The following ENTPD5 variants were observed in gnomAD, a reference collection of about 807,000 sequenced individuals.
The protein encoded by ENTPD5 is nucleoside diphosphate phosphatase ENTPD5.
In ENTPD5, 49 loss-of-function variants were observed where a neutral mutation model predicts 60.2. That is an observed-to-expected ratio of 0.81 (90% CI 0.65 to 1.03). ENTPD5 has a LOEUF of 1.03. Ranked by LOEUF, ENTPD5 falls within the 50% of genes least tolerant of loss-of-function variation. The pLI, the probability that ENTPD5 is intolerant of heterozygous loss-of-function variation, is 0.00. For missense variants in ENTPD5, 480 were observed against 507.6 expected, an observed-to-expected ratio of 0.95 and a Z score of 0.52; for synonymous variants, 187 against 185.4, an observed-to-expected ratio of 1.01 and a Z score of -0.07.
intron 8 of ENTPD5, 21 bp downstream of exon 8, chr14:73,977,003 A>G: frequency 6.3e-7 from 1 of 1,599,224 alleles, no homozygotes; most frequent in Non-Finnish European, 8.6e-7. Context: ...AGCTCTAAAG[A>G]TAAACTTGAG....
In ENTPD5 at chr14:73,977,281, T is replaced by C. The variant is rs1340506321; in HGVS notation, c.517+18A>G. 1.3e-6 allele frequency: 2 copies of C among 1,598,452 alleles called. No individual in the cohort carries two copies. Among genetic ancestry groups the C allele is most frequent in the African/African-American group, 2.7e-5 (2 of 74,278 alleles). Reference sequence around the variant, plus strand: ...CCTGCCCCTCTCCCCCTGGAACGCATATCAACACCTCTCCCACCTTCGTCG... The same window carrying C: ...CCTGCCCCTCTCCCCCTGGAACGCACATCAACACCTCTCCCACCTTCGTCG... On this transcript the variant is annotated intron_variant, in intron 7 of 15. Coordinates refer to ENST00000334696, the MANE Select transcript of ENTPD5 (RefSeq NM_001249.5).
chr14:73,991,024 G>C (rs1408672665), intron 3 of ENTPD5, among the ~76,000 whole-genome samples: 1 of 152,068 alleles, frequency 6.6e-6, no homozygotes, highest in Admixed American at 6.6e-5. Context: ...GTGAGACTGT[G>C]TCTCAAAACA....
At chr14:74,002,455 T>C (rs1218819748) in intron 3 of ENTPD5, among the ~76,000 whole-genome samples, 1 of 151,710 alleles carries the variant, frequency 6.6e-6, no homozygotes, top group Non-Finnish European at 1.5e-5. Context: ...TATGTAGAGA[T>C]GGAGTCTCAC....
chr14:74,000,454 C>T (rs1213573752), intron 3 of ENTPD5, among the ~76,000 whole-genome samples: 5 of 147,858 alleles, frequency 3.4e-5, no homozygotes, highest in Non-Finnish European at 6.0e-5. Flanking sequence ...GACTGAACCC[C>T]GTCTCAATTT....
At position 73,968,272 on chromosome 14, in the gene ENTPD5, C is replaced by T. The variant is rs555338542; in HGVS notation, c.1201-1258G>A. On this transcript the variant is annotated intron_variant, in intron 15 of 15. Coordinates refer to ENST00000334696, the MANE Select transcript of ENTPD5 (RefSeq NM_001249.5). ...AGAAGAGGATTAGATTAGTGTTTATCGGTTTATCAATTTGTTTTCTTCAGA... is the reference window on the plus strand; with the variant it reads ...AGAAGAGGATTAGATTAGTGTTTATTGGTTTATCAATTTGTTTTCTTCAGA... Among the ~76,000 whole-genome samples the T allele has an allele frequency of 1.1e-4, 17 of 152,256 alleles. No individual in the cohort carries two copies. The East Asian group carries it at 1.9e-3, about 17-fold the overall frequency.
intron 14 of ENTPD5, 69 bp from the exon 15 acceptor site, chr14:73,970,194 AAAGAAGTGG>A: frequency 8.5e-7 from 1 of 1,180,896 alleles, no homozygotes; most frequent in Non-Finnish European, 1.3e-6. Flanking sequence ...TTTCTCTTAG[AAAGAAGTGG>A]AATAGGGGCC....
intron 3 of ENTPD5, among the ~76,000 whole-genome samples, chr14:73,994,373 C>T (rs894337682): frequency 3.3e-5 from 5 of 151,852 alleles, no homozygotes; most frequent in African/African-American, 7.3e-5. Flanking sequence ...GTGATCCACT[C>T]GCCTCAGCCT....
rs562290414 is a variant in ENTPD5, at chr14:73,972,936, G to A, written c.975C>T (p.Ser325=). 3.9e-4 allele frequency: 622 copies of A among 1,614,208 alleles called. 13 individuals are homozygous for A. In the South Asian group the frequency reaches 6.6e-3, roughly 17 times the overall value. ...CATAATAGTAAGAGAAAGCATAGAA[G>A]GAACCTCTCTGGACCTCCTCTGGCT... ...LHQPEEVQRG[S]FYAFSYYYDR... The change falls in exon 13 of 16, where the codon TCC becomes TCT. Residue 325 remains serine, a synonymous_variant. Coordinates refer to ENST00000334696, the MANE Select transcript of ENTPD5 (RefSeq NM_001249.5).
At chr14:73,960,998 G>A, downstream of ENTPD5, 1 of 761,248 alleles carries the variant, frequency 1.3e-6, no homozygotes, top group African/African-American at 1.7e-5. Flanking sequence ...AAAACCTCTG[G>A]GGAGTGATGA....
downstream of ENTPD5, chr14:73,959,643 CTG>C (rs1295303731): frequency 3.2e-6 from 5 of 1,539,886 alleles, no homozygotes; most frequent in Admixed American, 1.9e-5. Context: ...TCTTGGCTCA[CTG>C]TGCAATCTCC....
intron 13 of ENTPD5, among the ~76,000 whole-genome samples, chr14:73,972,229 C>T (rs905355373): frequency 1.3e-5 from 2 of 151,980 alleles, no homozygotes; most frequent in Non-Finnish European, 2.9e-5. Context: ...AAAAAATTAG[C>T]CGGGTGTGGT....
At chr14:73,989,875 C>A (rs1335697887) in intron 3 of ENTPD5, among the ~76,000 whole-genome samples, 1 of 145,524 alleles carries the variant, frequency 6.9e-6, no homozygotes, top group African/African-American at 2.6e-5. Flanking sequence ...GGCTTGGTGG[C>A]AGGTGCCTGT....
chr14:73,999,032 C>T (rs1017861638), intron 3 of ENTPD5, among the ~76,000 whole-genome samples: 10 of 152,074 alleles, frequency 6.6e-5, no homozygotes, highest in Non-Finnish European at 1.3e-4. Context: ...TTGTCAGGAC[C>T]ACTCAATTGC....
chr14:73,969,961 A>G (rs550141643), intron 15 of ENTPD5, 49 bp downstream of exon 15: 3 of 1,298,000 alleles, frequency 2.3e-6, no homozygotes, highest in Non-Finnish European at 3.4e-6. Context: ...CTCCTTCTCA[A>G]CCCCCACAAA....
downstream of ENTPD5, chr14:73,959,621 G>A (rs1012981621): frequency 3.0e-5 from 47 of 1,580,758 alleles, no homozygotes; most frequent in African/African-American, 3.8e-4. Context: ...AGGCTGGAGC[G>A]CAGTGGCGCG....
At chr14:74,003,128 C>T (rs1475410562) in intron 3 of ENTPD5, among the ~76,000 whole-genome samples, 1 of 152,196 alleles carries the variant, frequency 6.6e-6, no homozygotes, top group Non-Finnish European at 1.5e-5. Flanking sequence ...CCACCTCTAC[C>T]TGCTTTCTCA....
chr14:74,010,355 G>A (rs2058809656), intron 3 of ENTPD5, among the ~76,000 whole-genome samples: 1 of 152,148 alleles, frequency 6.6e-6, no homozygotes, highest in Non-Finnish European at 1.5e-5. Flanking sequence ...GGGAGTTTGA[G>A]ACCAGCCTGA....
intron 13 of ENTPD5, 60 bp from the exon 14 acceptor site, chr14:73,971,968 T>G: frequency 1.1e-6 from 1 of 939,090 alleles, no homozygotes; most frequent in East Asian, 2.4e-5. Flanking sequence ...ATAAGGAAAT[T>G]CATTCATTCA....
At chr14:73,962,904 T>C, downstream of ENTPD5, 1 of 1,317,538 alleles carries the variant, frequency 7.6e-7, no homozygotes, top group Admixed American at 1.7e-5. Context: ...GTGATTATTA[T>C]CTACAATAAT....
Sources: allele counts gnomAD v4.1 joint callset (sites outside exome capture counted in the v4.1 genomes callset), GRCh38; gene constraint gnomAD v4.1.1; transcripts MANE v1.5; gene names NCBI Gene and HGNC (gene_info 2026-07-23, HGNC 2026-07-21).